Variants in MYH2 observed in about 807,000 individuals in gnomAD.
The protein encoded by MYH2 is myosin-2.
Under a neutral mutation model 228.1 loss-of-function variants are expected in MYH2, and 139 were observed. The observed-to-expected ratio is 0.61, with a 90% CI of 0.53 to 0.70. MYH2 has a LOEUF of 0.70. Among genes scored for constraint, MYH2 ranks in the 30% least tolerant of loss-of-function variants. MYH2 has a pLI of 0.00. For synonymous variants in MYH2, 796 were observed against 871.1 expected (o/e 0.91, Z 1.52); for missense variants, 1,809 against 2,357.5 (o/e 0.77, Z 4.82).
In MYH2 at chr17:10,529,681, C is replaced by T. The variant is rs573063758; in HGVS notation, c.3000G>A (p.Lys1000=). The change falls in exon 24 of 40, where the codon AAG becomes AAA. Residue 1000 remains lysine, a synonymous_variant. Coordinates refer to ENST00000245503, the MANE Select transcript of MYH2 (RefSeq NM_017534.6). ...GGGCCTCCTGGAGAGCCTTCTTCTC[C>T]TTGGTCAGCTTAGCAATGGTTTCAT... ...GLDETIAKLT[K]EKKALQEAHQ... is the part of the protein sequence containing the mutation. 7.3e-5 allele frequency: 118 copies of T among 1,613,968 alleles called. 1 individual carries two copies. In the Admixed American group the frequency reaches 1.9e-3, roughly 26 times the overall value.
intron 4 of MYH2, among the ~76,000 whole-genome samples, chr17:10,546,554 G>A (rs2073636460): frequency 6.6e-6 from 1 of 151,964 alleles, no homozygotes; most frequent in Non-Finnish European, 1.5e-5. Context: ...GATGTCCCTT[G>A]AGGAATCCCC....
In MYH2 at chr17:10,525,347, C is replaced by CTCTG. The variant is rs1202511430; in HGVS notation, c.4538-3_4538dup (p.Gln1513HisfsTer6). 1 of 1,614,048 alleles carries CTCTG rather than the reference C, an allele frequency of 6.2e-7. No individual in the cohort carries two copies. Among genetic ancestry groups the CTCTG allele is most frequent in the African/African-American group, 1.3e-5 (1 of 74,922 alleles). ...TCTGTTCCGTGAGGTCAGAAATCTC[C>CTCTG]TCTGTTGTTTGAGTAAAAGACAGGT... On this transcript the variant is annotated frameshift_variant and splice_region_variant, in exon 33 of 40. Coordinates refer to ENST00000245503, the MANE Select transcript of MYH2 (RefSeq NM_017534.6). LOFTEE classifies it high-confidence loss of function. This position sits in a 1 kb window ranked among gnomAD's most constrained non-coding sequence, Gnocchi z 4.2.
rs764492569 is a variant in MYH2, at chr17:10,535,309, C to T, written c.2031G>A (p.Arg677=). The T allele has an allele frequency of 6.8e-6, 11 of 1,614,032 alleles. No individual in the cohort carries two copies. The East Asian group carries it at 2.2e-4, about 33-fold the overall frequency. ...NLRSTHPHFV[R]CIIPNETKTP... ...TTTTTGTCTCATTGGGGATGATACA[C>T]CTCACAAAGTGAGGATGGGTACTCC... is the stretch of plus-strand genomic sequence containing the variant. The change falls in exon 18 of 40, where the codon AGG becomes AGA. Residue 677 remains arginine (R), a synonymous_variant. Coordinates refer to ENST00000245503, the MANE Select transcript of MYH2 (RefSeq NM_017534.6).
chr17:10,527,891 A>G lies in MYH2; in HGVS notation c.3745-17T>C. On this transcript the variant is annotated splice_polypyrimidine_tract_variant and intron_variant, in intron 27 of 39. Transcript: ENST00000245503. ...TAGGTTTCCCTATAGAAGAAAAAGTAAAAGAAGAAAACAGAGACCTTTTAA... is the reference window on the plus strand; with the variant it reads ...TAGGTTTCCCTATAGAAGAAAAAGTGAAAGAAGAAAACAGAGACCTTTTAA... 1 of 1,611,220 alleles carries G rather than the reference A, an allele frequency of 6.2e-7. No individual in the cohort carries two copies. Among genetic ancestry groups the G allele is most frequent in the Non-Finnish European group, 8.5e-7 (1 of 1,179,828 alleles).
rs1567727403 is a variant in MYH2, at chr17:10,524,624, G to C, written c.5017C>G (p.Leu1673Val). 6.2e-7 allele frequency: 1 copy of C among 1,614,216 alleles called. No individual in the cohort carries two copies. The highest frequency in any genetic ancestry group is 2.2e-5 in the East Asian group (1 of 44,880). ...LDDALRSQED[L>V]KEQLAMVERR... ...TCCACCATGGCCAGCTGTTCCTTCA[G>C]GTCCTCCTGGCTCCGGAGAGCATCA... is the stretch of plus-strand genomic sequence containing the variant. The change falls in exon 35 of 40, where the codon CTG becomes GTG. Residue 1673 changes from leucine to valine, a missense_variant. Around this residue, in one of 9 missense-constraint regions of MYH2, gnomAD observed 75 missense variants for 131.2 expected, o/e 0.57. Transcript: ENST00000245503. This position sits in a 1 kb window ranked among gnomAD's most constrained non-coding sequence, Gnocchi z 4.7.
chr17:10,542,632 C>T (rs1042328867), intron 10 of MYH2, among the ~76,000 whole-genome samples: 1 of 152,080 alleles, frequency 6.6e-6, no homozygotes, highest in Non-Finnish European at 1.5e-5. Flanking sequence ...AGATATTCAT[C>T]CAAGTGTTCA....
chr17:10,548,155 C>T (rs758926057), intron 2 of MYH2, among the ~76,000 whole-genome samples: 1 of 152,154 alleles, frequency 6.6e-6, no homozygotes, highest in Non-Finnish European at 1.5e-5. Context: ...GCTTTGCATC[C>T]ACTGTCTTAT....
chr17:10,539,621 A>G, intron 12 of MYH2, 59 bp from the exon 13 acceptor site: 2 of 1,500,378 alleles, frequency 1.3e-6, no homozygotes, highest in Non-Finnish European at 1.9e-6. Context: ...CACTTCCTTA[A>G]AAATATTTTT....
At position 10,528,770 on chromosome 17, in the gene MYH2, T is replaced by G; in HGVS notation, c.3664A>C (p.Lys1222Gln). Residue 1222 changes from lysine to glutamine, a missense_variant, in exon 27 of 40, where the codon AAG becomes CAG. Around this residue, in one of 9 missense-constraint regions of MYH2, gnomAD observed 636 missense variants for 729.9 expected, o/e 0.87. Coordinates refer to ENST00000245503, the MANE Select transcript of MYH2 (RefSeq NM_017534.6). ...ATCTCACTCTTCTCCTTCTCCAGCT[T>G]CTGCTTCACTCGCTGCAGGTTGTCA... ...QIDNLQRVKQ[K>Q]LEKEKSEMKM... The G allele has an allele frequency of 1.2e-6, 2 of 1,614,132 alleles. No homozygotes were observed. The highest frequency in any genetic ancestry group is 1.3e-5 in the African/African-American group (1 of 75,050).
intron 10 of MYH2, 104 bp from the exon 11 acceptor site, chr17:10,540,801 G>A: frequency 1.0e-6 from 1 of 988,648 alleles, no homozygotes; most frequent in Non-Finnish European, 1.6e-6. Flanking sequence ...GGGAACTCAG[G>A]GACCCCAAAT....
intron 39 of MYH2, among the ~76,000 whole-genome samples, 168 bp from the exon 40 acceptor site, chr17:10,521,600 T>TATAC (rs1555569444): frequency 4.6e-4 from 70 of 150,834 alleles, no homozygotes; most frequent in African/African-American, 9.7e-4. Flanking sequence ...TATATATATA[T>TATAC]ACACACACAC....
chr17:10,528,540 T>A, intron 27 of MYH2, 150 bp downstream of exon 27: 2 of 1,260,976 alleles, frequency 1.6e-6, no homozygotes, highest in Non-Finnish European at 1.1e-6. Flanking sequence ...TTTGTTAAGT[T>A]GAAATAATAA....
Position 10,547,745 on chromosome 17 carries a change from T to G in MYH2, c.176A>C (p.Lys59Thr). 1 of 1,614,236 alleles carries G rather than the reference T, an allele frequency of 6.2e-7. No individual in the cohort carries two copies. The highest frequency in any genetic ancestry group is 8.5e-7 in the Non-Finnish European group (1 of 1,180,046). Residue 59 changes from lysine (K) to threonine (T), a missense_variant, in exon 3 of 40, where the codon AAA becomes ACA. Lys to Thr is a moderately conservative substitution (Grantham distance 78). Around this residue, in one of 9 missense-constraint regions of MYH2, gnomAD observed 84 missense variants for 81.8 expected, o/e 1.03. Coordinates refer to ENST00000245503, the MANE Select transcript of MYH2 (RefSeq NM_017534.6). ...KGTIQSREGGKVTVKTEGGAT... is the reference protein window; with the variant it reads ...KGTIQSREGGTVTVKTEGGAT... The stretch of plus-strand genomic sequence containing the variant: ...TCCTCCCTCAGTCTTCACCGTCACT[T>G]TTCCTCCTTCTCTGCTCTGGATGGT...
chr17:10,549,132 G>A (rs570387382), intron 2 of MYH2, among the ~76,000 whole-genome samples: 1 of 152,168 alleles, frequency 6.6e-6, no homozygotes, highest in East Asian at 1.9e-4. Context: ...TTCCTGCACA[G>A]ACAATATATT....
At chr17:10,535,231 G>A (rs779746375) in intron 18 of MYH2, 41 bp from the exon 19 acceptor site, 5 of 1,613,970 alleles carry the variant, frequency 3.1e-6, no homozygotes, top group Non-Finnish European at 4.2e-6. Context: ...CTGTTGAAAA[G>A]GAGGTGTGGC....
Position 10,529,647 on chromosome 17 carries a change from T to C in MYH2, c.3034A>G (p.Thr1012Ala). ...KKALQEAHQQTLDDLQAEEDK... is the reference protein window; with the variant it reads ...KKALQEAHQQALDDLQAEEDK... ...TCCTCTGCCTGCAGGTCATCCAGGG[T>C]CTGCTGGTGGGCCTCCTGGAGAGCC... Residue 1012 changes from threonine (T) to alanine (A), a missense_variant, in exon 24 of 40, where the codon ACC becomes GCC. Coordinates refer to ENST00000245503, the MANE Select transcript of MYH2 (RefSeq NM_017534.6). The C allele has an allele frequency of 6.2e-7, 1 of 1,614,096 alleles. No individual in the cohort carries two copies. Among genetic ancestry groups the C allele is most frequent in the East Asian group, 2.2e-5 (1 of 44,860 alleles).
chr17:10,532,023 C>T (rs898865684), intron 21 of MYH2, 135 bp from the exon 22 acceptor site: 6 of 1,128,552 alleles, frequency 5.3e-6, no homozygotes, highest in African/African-American at 3.0e-5. Context: ...AATTCTATTT[C>T]GGGATGATGG....
intron 8 of MYH2, 28 bp downstream of exon 8, chr17:10,543,683 C>G: frequency 6.2e-7 from 1 of 1,612,884 alleles, no homozygotes; most frequent in African/African-American, 1.3e-5. Flanking sequence ...CAGTGAACAG[C>G]ATCTATTAGC....
In MYH2 at chr17:10,540,603, C is replaced by T. The variant is rs1419921288; in HGVS notation, c.999G>A (p.Met333Ile). Reference sequence around the variant, plus strand: ...CTTGTGTTCTACTTACATCTGTGGCCATCAGTTCTTCCTGATCATCGATGC... The same window carrying T: ...CTTGTGTTCTACTTACATCTGTGGCTATCAGTTCTTCCTGATCATCGATGC... ...VASIDDQEEL[M>I]ATDSAIDILG... Residue 333 changes from methionine to isoleucine, a missense_variant, in exon 11 of 40, where the codon ATG (methionine) becomes ATA (isoleucine). Coordinates refer to ENST00000245503, the MANE Select transcript of MYH2 (RefSeq NM_017534.6). 3.1e-6 allele frequency: 5 copies of T among 1,608,936 alleles called. No individual in the cohort carries two copies. In the East Asian group the frequency reaches 8.9e-5, roughly 29 times the overall value.
Sources: allele counts gnomAD v4.1 joint callset (sites outside exome capture counted in the v4.1 genomes callset), GRCh38; gene constraint gnomAD v4.1.1; regional missense constraint gnomAD v4.1.1; non-coding constraint Gnocchi (gnomAD v3.1); transcripts MANE v1.5; gene names NCBI Gene and HGNC (gene_info 2026-07-23, HGNC 2026-07-21).